Variants in FILIP1L observed in about 807,000 individuals in gnomAD.
The protein encoded by FILIP1L is filamin A-interacting protein 1-like.
A neutral mutation model predicts 96.6 loss-of-function variants in FILIP1L; 55 were observed. The ratio of observed to expected loss-of-function variants is 0.57; its 90% CI spans 0.46 to 0.71. FILIP1L has a LOEUF of 0.71. FILIP1L is among the 30% of genes least tolerant of loss of function. The pLI is 0.00. For synonymous variants in FILIP1L, 467 were observed against 473.9 expected (o/e 0.99, Z 0.19); for missense variants, 1,304 against 1,321.2 (o/e 0.99, Z 0.20).
intron 1 of FILIP1L, chr3:100,075,768 G>T (rs528692505): frequency 6.6e-6 from 1 of 152,094 alleles, no homozygotes; most frequent in Non-Finnish European, 1.5e-5. Flanking sequence ...TAGTAACATC[G>T]TTGGACCTGA....
chr3:99,911,709 C>T (rs952768161), intron 4 of FILIP1L, among the ~76,000 whole-genome samples: 6 of 152,230 alleles, frequency 3.9e-5, no homozygotes, highest in Non-Finnish European at 7.3e-5. Flanking sequence ...ATCCATCTTT[C>T]TAATCAGATC....
At chr3:99,891,073 G>C (rs1029600766) in intron 4 of FILIP1L, among the ~76,000 whole-genome samples, 2 of 149,574 alleles carry the variant, frequency 1.3e-5, no homozygotes, top group African/African-American at 4.9e-5. Context: ...TTTTTTTTCA[G>C]ACCACCCAGT....
intron 1 of FILIP1L, among the ~76,000 whole-genome samples, chr3:99,966,173 T>A (rs1468338983): frequency 6.6e-6 from 1 of 152,208 alleles, no homozygotes; most frequent in Non-Finnish European, 1.5e-5. Flanking sequence ...GAGTAATTCC[T>A]TAGATAAGTT....
chr3:99,936,189 C>G (rs1396016907), intron 1 of FILIP1L, among the ~76,000 whole-genome samples: 2 of 151,798 alleles, frequency 1.3e-5, no homozygotes, highest in Non-Finnish European at 2.9e-5. Flanking sequence ...CATTTTTGGT[C>G]TTGGTCATTT....
chr3:100,085,324 A>G (rs1306890142), intron 1 of FILIP1L, among the ~76,000 whole-genome samples: 3 of 152,212 alleles, frequency 2.0e-5, no homozygotes, highest in African/African-American at 7.2e-5. Flanking sequence ...GATGTTTTAT[A>G]TCTTCCCTTC....
intron 1 of FILIP1L, among the ~76,000 whole-genome samples, chr3:100,081,357 A>G (rs1184307297): frequency 1.3e-5 from 2 of 152,198 alleles, no homozygotes; most frequent in East Asian, 3.8e-4. Flanking sequence ...ACTGATGGTC[A>G]GTTTATGCTT....
chr3:99,991,899 T>A (rs1433460525), intron 1 of FILIP1L, among the ~76,000 whole-genome samples: 1 of 149,622 alleles, frequency 6.7e-6, no homozygotes, highest in Non-Finnish European at 1.5e-5. Context: ...TATGTGTGTA[T>A]ATATATACAT....
intron 1 of FILIP1L, among the ~76,000 whole-genome samples, chr3:99,958,203 C>CACTATT: frequency 7.5e-6 from 1 of 132,708 alleles, no homozygotes; most frequent in African/African-American, 2.8e-5. Flanking sequence ...GCCCTGCATG[C>CACTATT]ATTATTATTA....
intron 1 of FILIP1L, among the ~76,000 whole-genome samples, chr3:100,111,298 T>C (rs2066486486): frequency 6.6e-6 from 1 of 152,162 alleles, no homozygotes; most frequent in African/African-American, 2.4e-5. Context: ...GTCAGGGCTA[T>C]GAGTACTCAT....
At chr3:100,070,547 G>C (rs1368436433) in intron 1 of FILIP1L, among the ~76,000 whole-genome samples, 1 of 152,130 alleles carries the variant, frequency 6.6e-6, no homozygotes, top group African/African-American at 2.4e-5. Context: ...GTGGATGTAT[G>C]GGGTTGTAAT....
intron 1 of FILIP1L, among the ~76,000 whole-genome samples, chr3:100,018,203 GTAA>G (rs1415362142): frequency 1.3e-5 from 2 of 152,168 alleles, no homozygotes; most frequent in Non-Finnish European, 2.9e-5. Context: ...GCATGTCCCT[GTAA>G]TCCCAGCTAC....
intron 1 of FILIP1L, among the ~76,000 whole-genome samples, chr3:99,966,923 T>C (rs1351926396): frequency 6.6e-6 from 1 of 152,202 alleles, no homozygotes; most frequent in African/African-American, 2.4e-5. Flanking sequence ...TGAAAATAGA[T>C]GGAGTATGCC....
chr3:100,072,499 G>A (rs1351387414), intron 1 of FILIP1L, among the ~76,000 whole-genome samples: 1 of 152,182 alleles, frequency 6.6e-6, no homozygotes, highest in Non-Finnish European at 1.5e-5. Flanking sequence ...CATCAACTGA[G>A]GCATTTGCAG....
intron 1 of FILIP1L, among the ~76,000 whole-genome samples, chr3:100,021,962 AG>A (rs2064832649): frequency 1.0e-5 from 1 of 96,910 alleles, no homozygotes; most frequent in African/African-American, 4.2e-5. Context: ...TGTGTGTGTG[AG>A]AGAGAGAGAG....
At chr3:100,030,232 A>G (rs1367068493) in intron 1 of FILIP1L, among the ~76,000 whole-genome samples, 1 of 152,010 alleles carries the variant, frequency 6.6e-6, no homozygotes, top group African/African-American at 2.4e-5. Flanking sequence ...GGGCATTTTG[A>G]CTGTATAGTA....
intron 1 of FILIP1L, among the ~76,000 whole-genome samples, chr3:99,969,789 A>G (rs898188400): frequency 1.3e-5 from 2 of 152,172 alleles, no homozygotes; most frequent in African/African-American, 4.8e-5. Flanking sequence ...AGGAATTTAT[A>G]GTTTATTGGA....
intron 1 of FILIP1L, among the ~76,000 whole-genome samples, chr3:99,998,076 T>G (rs1238541329): frequency 6.6e-6 from 1 of 152,210 alleles, no homozygotes; most frequent in Non-Finnish European, 1.5e-5. Flanking sequence ...GTTTAACTTG[T>G]GAGTTAAAAC....
At chr3:99,894,279 G>A (rs989398544) in intron 4 of FILIP1L, among the ~76,000 whole-genome samples, 3 of 152,206 alleles carry the variant, frequency 2.0e-5, no homozygotes, top group Non-Finnish European at 4.4e-5. Context: ...CTGAAAAGGT[G>A]TAAGAGAAGG....
At chr3:99,975,461 G>A (rs1361291368) in intron 1 of FILIP1L, among the ~76,000 whole-genome samples, 5 of 151,886 alleles carry the variant, frequency 3.3e-5, no homozygotes, top group Non-Finnish European at 5.9e-5. Flanking sequence ...GTATGGTGGC[G>A]GGCGCCTGTA....
Sources: allele counts gnomAD v4.1 joint callset (sites outside exome capture counted in the v4.1 genomes callset), GRCh38; gene constraint gnomAD v4.1.1; transcripts MANE v1.5; gene names NCBI Gene and HGNC (gene_info 2026-07-23, HGNC 2026-07-21).